ARID5B: variants seen among roughly 807,000 people sequenced by gnomAD.
ARID5B encodes AT-rich interaction domain 5B.
ARID5B carries 13 observed loss-of-function variants against 97.2 expected under a neutral mutation model. The observed-to-expected ratio is 0.13, with a 90% CI of 0.09 to 0.21. The LOEUF (loss-of-function observed/expected upper bound fraction) is 0.21. Ranked by LOEUF, ARID5B falls within the 10% of genes least tolerant of loss-of-function variation. ARID5B has a pLI of 1.00. For synonymous variants in ARID5B, 556 were observed against 570.3 expected (o/e 0.97, Z 0.36); for missense variants, 1,210 against 1,465.3 (o/e 0.83, Z 2.84).
Position 61,928,208 on chromosome 10 carries a change from A to G in ARID5B, c.277-11975A>G, listed in dbSNP as rs923979628. Among the ~76,000 whole-genome samples the G allele has an allele frequency of 5.9e-5, 9 of 152,152 alleles. 1 individual carries two copies. The South Asian group carries it at 1.9e-3, about 32-fold the overall frequency. On this transcript the variant is annotated intron_variant, in intron 2 of 9. Transcript: ENST00000279873. ...GGTGATGGCTGAGCTGCTCCAGCCC[A>G]GGTTCCTGTACTGTGTATCTCTTAC...
At chr10:61,996,024 C>T (rs1406663563) in intron 3 of ARID5B, among the ~76,000 whole-genome samples, 2 of 152,178 alleles carry the variant, frequency 1.3e-5, no homozygotes, top group African/African-American at 4.8e-5. Context: ...CAAGCCCCAG[C>T]TGTGCCTGTA....
chr10:62,008,276 A>G (rs1377638433), intron 4 of ARID5B, among the ~76,000 whole-genome samples: 2 of 152,164 alleles, frequency 1.3e-5, no homozygotes, highest in East Asian at 1.9e-4. Context: ...TTTCACAGAT[A>G]AGGACACTGA....
chr10:62,055,823 T>C (rs979212792), intron 5 of ARID5B, among the ~76,000 whole-genome samples: 2 of 152,226 alleles, frequency 1.3e-5, no homozygotes, highest in Non-Finnish European at 2.9e-5. Context: ...GAGAATGTAC[T>C]TTCCTTTACT....
chr10:61,969,194 A>G (rs1215789817), intron 3 of ARID5B, among the ~76,000 whole-genome samples: 1 of 152,182 alleles, frequency 6.6e-6, no homozygotes, highest in African/African-American at 2.4e-5. Flanking sequence ...GTATTTTCCA[A>G]GAGAACAATG....
intron 8 of ARID5B, among the ~76,000 whole-genome samples, chr10:62,078,605 AG>A (rs1385382083): frequency 3.1e-4 from 47 of 152,336 alleles, no homozygotes; most frequent in African/African-American, 1.1e-3. Flanking sequence ...GGCATTGTAG[AG>A]GGCTAGGCAC....
chr10:62,080,250 A>C (rs1027411716), intron 8 of ARID5B, among the ~76,000 whole-genome samples: 2 of 152,120 alleles, frequency 1.3e-5, no homozygotes, highest in African/African-American at 4.8e-5. Flanking sequence ...CACACTCGGC[A>C]CACTATTTTT....
intron 6 of ARID5B, 80 bp downstream of exon 6, chr10:62,057,398 A>T: frequency 2.2e-6 from 3 of 1,389,062 alleles, no homozygotes; most frequent in Non-Finnish European, 3.0e-6. Flanking sequence ...TTGACTCAGG[A>T]TTATGTTGAA....
Position 61,944,844 on chromosome 10 carries a change from G to A in ARID5B, c.502+4436G>A, listed in dbSNP as rs1239308621. 2.0e-5 allele frequency among the ~76,000 whole-genome samples: 3 copies of A among 152,130 alleles called. No homozygotes were observed. The East Asian group carries it at 5.8e-4, about 29-fold the overall frequency. Reference sequence around the variant, plus strand: ...GTTATGAATGGTTTCATCTCCAAATGTGTCTTTAGAAAAAGAAAGAAAAGA... The same window carrying A: ...GTTATGAATGGTTTCATCTCCAAATATGTCTTTAGAAAAAGAAAGAAAAGA... On this transcript the variant is annotated intron_variant, in intron 3 of 9. Transcript: ENST00000279873.
At chr10:61,972,687 G>C (rs1213690954) in intron 3 of ARID5B, among the ~76,000 whole-genome samples, 1 of 152,018 alleles carries the variant, frequency 6.6e-6, no homozygotes, top group Non-Finnish European at 1.5e-5. Context: ...TTTTCCTCCA[G>C]CTTTTGTATA....
chr10:62,047,903 G>A (rs1320351706), intron 4 of ARID5B, among the ~76,000 whole-genome samples: 1 of 152,188 alleles, frequency 6.6e-6, no homozygotes, highest in Non-Finnish European at 1.5e-5. Context: ...CGATTGCAGA[G>A]GCACCTACCC....
chr10:61,987,261 A>G (rs893320493), intron 3 of ARID5B, among the ~76,000 whole-genome samples: 1 of 152,238 alleles, frequency 6.6e-6, no homozygotes, highest in African/African-American at 2.4e-5. Context: ...AGAATGGGTA[A>G]TAGATCCGGG....
At chr10:61,911,022 C>A (rs1405029634) in intron 2 of ARID5B, among the ~76,000 whole-genome samples, 2 of 152,114 alleles carry the variant, frequency 1.3e-5, no homozygotes, top group Non-Finnish European at 2.9e-5. Flanking sequence ...TCTTTTCCCC[C>A]ACCTTTCTTT....
chr10:62,086,288 G>A (rs1048926569), intron 9 of ARID5B, among the ~76,000 whole-genome samples: 11 of 152,158 alleles, frequency 7.2e-5, no homozygotes, highest in Admixed American at 5.2e-4. Flanking sequence ...GTGCTGGTGC[G>A]ACTTTAAAAC....
At chr10:62,053,671 G>A (rs535308864) in intron 5 of ARID5B, among the ~76,000 whole-genome samples, 12 of 151,978 alleles carry the variant, frequency 7.9e-5, no homozygotes, top group African/African-American at 2.9e-4. Flanking sequence ...TTGATAGAAG[G>A]CAAATTATTT....
intron 3 of ARID5B, among the ~76,000 whole-genome samples, chr10:61,946,968 C>T (rs1451938397): frequency 2.0e-5 from 3 of 152,088 alleles, no homozygotes; most frequent in African/African-American, 7.2e-5. Context: ...TTAAGTTCAA[C>T]ATGGAAACTA....
chr10:61,962,018 G>T (rs1317363826), intron 3 of ARID5B, among the ~76,000 whole-genome samples: 1 of 152,202 alleles, frequency 6.6e-6, no homozygotes, highest in African/African-American at 2.4e-5. Flanking sequence ...CAAAGTGCTG[G>T]GATTACAGGC....
chr10:62,061,696 G>A lies in ARID5B; in HGVS notation c.1101+2401G>A, dbSNP rs910889603. Among the ~76,000 whole-genome samples the A allele has an allele frequency of 5.9e-5, 9 of 152,234 alleles. No homozygotes were observed. In the South Asian group the frequency reaches 1.5e-3, roughly 25 times the overall value. The stretch of plus-strand genomic sequence containing the variant: ...CCCCTCTTTCTGGTACTGTGTGGGC[G>A]CCTTCTCAATGGGAAATTTATGCCC... On this transcript the variant is annotated intron_variant, in intron 7 of 9. Transcript: ENST00000279873.
chr10:61,926,569 C>A (rs1486547834), intron 2 of ARID5B, among the ~76,000 whole-genome samples: 2 of 151,930 alleles, frequency 1.3e-5, no homozygotes, highest in Non-Finnish European at 2.9e-5. Context: ...GGATGAGAAA[C>A]CCAGGTATTT....
chr10:61,902,695 G>A (rs1437667810), intron 2 of ARID5B, among the ~76,000 whole-genome samples: 2 of 149,544 alleles, frequency 1.3e-5, no homozygotes, highest in African/African-American at 2.5e-5. Flanking sequence ...GTGTGTGTGT[G>A]TGTGTGTATG....
Sources: allele counts gnomAD v4.1 joint callset (sites outside exome capture counted in the v4.1 genomes callset), GRCh38; gene constraint gnomAD v4.1.1; transcripts MANE v1.5; gene names NCBI Gene and HGNC (gene_info 2026-07-23, HGNC 2026-07-21).